Variants in GRM8 observed in about 807,000 individuals in gnomAD.
The protein encoded by GRM8 is glutamate metabotropic receptor 8.
A neutral mutation model predicts 87.2 loss-of-function variants in GRM8; 47 were observed. The observed-to-expected ratio is 0.54, with a 90% CI of 0.43 to 0.69. The LOEUF (loss-of-function observed/expected upper bound fraction) is 0.69. Ranked by LOEUF, GRM8 falls within the 30% of genes least tolerant of loss-of-function variation. The pLI is 0.00. For synonymous variants in GRM8, 396 were observed against 404.5 expected (o/e 0.98, Z 0.25); for missense variants, 1,019 against 1,139.2 (o/e 0.89, Z 1.52).
At chr7:126,613,562 G>A (rs1030952628) in intron 7 of GRM8, among the ~76,000 whole-genome samples, 1 of 152,188 alleles carries the variant, frequency 6.6e-6, no homozygotes, top group African/African-American at 2.4e-5. Context: ...CCGAGTGTGA[G>A]CCAAAGCAGG....
chr7:127,029,549 A>C (rs190660029), intron 3 of GRM8, among the ~76,000 whole-genome samples: 4 of 152,210 alleles, frequency 2.6e-5, no homozygotes, highest in African/African-American at 9.6e-5. Context: ...TAGGATAGTT[A>C]GCTCTTCTTG....
At chr7:126,767,056 A>G (rs1818273614) in intron 7 of GRM8, among the ~76,000 whole-genome samples, 1 of 152,164 alleles carries the variant, frequency 6.6e-6, no homozygotes, top group African/African-American at 2.4e-5. Flanking sequence ...AAGGAAGTGG[A>G]CCAGCCAGGG....
At chr7:126,500,832 G>T (rs1038951237) in intron 9 of GRM8, among the ~76,000 whole-genome samples, 2 of 151,812 alleles carry the variant, frequency 1.3e-5, no homozygotes, top group African/African-American at 4.8e-5. Context: ...AACCAAAAGG[G>T]GGTTTGACTT....
chr7:127,091,025 G>T (rs1824010515), intron 3 of GRM8: 1 of 152,226 alleles, frequency 6.6e-6, no homozygotes, highest in African/African-American at 2.4e-5. Context: ...TGAAGAAAAA[G>T]AAGGGAATAA....
intron 6 of GRM8, among the ~76,000 whole-genome samples, chr7:126,890,233 A>G (rs1226378116): frequency 6.6e-6 from 1 of 152,114 alleles, no homozygotes; most frequent in Admixed American, 6.6e-5. Context: ...CTGGCTTCAA[A>G]GAAAAGGAAG....
intron 7 of GRM8, among the ~76,000 whole-genome samples, chr7:126,619,190 A>T (rs139015399): frequency 8.5e-5 from 13 of 152,348 alleles, no homozygotes; most frequent in African/African-American, 2.9e-4. Flanking sequence ...AGTACTATGC[A>T]GTCATAAAAA....
At chr7:126,648,721 T>G (rs1405739359) in intron 7 of GRM8, among the ~76,000 whole-genome samples, 2 of 152,248 alleles carry the variant, frequency 1.3e-5, no homozygotes, top group Non-Finnish European at 2.9e-5. Context: ...AACTCCATTA[T>G]CTGAAACATA....
In GRM8 at chr7:126,656,989, A is replaced by G. The variant is rs375803047; in HGVS notation, c.1358-47491T>C. Among the ~76,000 whole-genome samples the G allele has an allele frequency of 1.4e-4, 21 of 152,390 alleles. 1 individual carries two copies. In the East Asian group the frequency reaches 3.7e-3, roughly 27 times the overall value. On this transcript the variant is annotated intron_variant, in intron 7 of 10. Transcript: ENST00000339582. ...TGAAAAGTGCTTATGTAGACAGCACAATGGCTGTGATTTAGTAATGTTCGT... is the reference window on the plus strand; with the variant it reads ...TGAAAAGTGCTTATGTAGACAGCACGATGGCTGTGATTTAGTAATGTTCGT...
intron 7 of GRM8, among the ~76,000 whole-genome samples, chr7:126,610,004 T>A (rs1798756485): frequency 6.6e-6 from 1 of 152,016 alleles, no homozygotes. Context: ...TGCCCAAGAG[T>A]ATATCAATGT....
chr7:126,486,868 A>T (rs928428032), intron 9 of GRM8, among the ~76,000 whole-genome samples: 3 of 152,074 alleles, frequency 2.0e-5, no homozygotes, highest in African/African-American at 7.2e-5. Flanking sequence ...ATGTGTCCCT[A>T]TGCAAAACTG....
At chr7:127,239,538 G>T (rs979013143) in intron 2 of GRM8, among the ~76,000 whole-genome samples, 1 of 152,164 alleles carries the variant, frequency 6.6e-6, no homozygotes, top group African/African-American at 2.4e-5. Context: ...TTTTACTCAA[G>T]TCATAACCTT....
At chr7:126,635,333 T>C (rs1159146309) in intron 7 of GRM8, among the ~76,000 whole-genome samples, 1 of 152,178 alleles carries the variant, frequency 6.6e-6, no homozygotes, top group Admixed American at 6.6e-5. Context: ...CTCATATTGG[T>C]GACTAATATC....
chr7:126,452,824 T>C (rs1482962808), intron 9 of GRM8, among the ~76,000 whole-genome samples: 1 of 151,706 alleles, frequency 6.6e-6, no homozygotes, highest in Non-Finnish European at 1.5e-5. Flanking sequence ...ACTGTATAAC[T>C]GAGGGTCAGG....
At chr7:127,054,532 A>G (rs1329705543) in intron 3 of GRM8, among the ~76,000 whole-genome samples, 1 of 152,190 alleles carries the variant, frequency 6.6e-6, no homozygotes, top group African/African-American at 2.4e-5. Context: ...CATCTGACAG[A>G]AAACAGAAAA....
chr7:127,148,022 T>C (rs144853286), intron 2 of GRM8, among the ~76,000 whole-genome samples: 1 of 152,014 alleles, frequency 6.6e-6, no homozygotes, highest in East Asian at 1.9e-4. Context: ...AGATACAGAG[T>C]CTCAGGTCCC....
chr7:126,784,198 T>G (rs2151648110), intron 6 of GRM8, among the ~76,000 whole-genome samples: 1 of 152,270 alleles, frequency 6.6e-6, no homozygotes, highest in South Asian at 2.1e-4. Context: ...AAACCCTGGT[T>G]TCACCTTGAG....
chr7:127,075,452 T>C (rs565302547), intron 3 of GRM8, among the ~76,000 whole-genome samples: 11 of 152,306 alleles, frequency 7.2e-5, no homozygotes, highest in African/African-American at 2.6e-4. Context: ...GATAAATGCA[T>C]TCATAAATTA....
intron 8 of GRM8, among the ~76,000 whole-genome samples, chr7:126,603,484 A>T (rs1798028997): frequency 6.6e-6 from 1 of 151,482 alleles, no homozygotes; most frequent in Non-Finnish European, 1.5e-5. Context: ...TATCTAGAAA[A>T]CCCCATTGTC....
chr7:126,500,717 G>A (rs1231963255), intron 9 of GRM8, among the ~76,000 whole-genome samples: 2 of 152,034 alleles, frequency 1.3e-5, no homozygotes, highest in African/African-American at 4.8e-5. Flanking sequence ...GAATAAGTGT[G>A]ACCAATTATT....
Sources: gnomAD v4.1 joint callset for allele counts (sites outside exome capture counted in the v4.1 genomes callset) on GRCh38, gnomAD v4.1.1 for gene constraint, MANE v1.5 for transcripts, NCBI Gene and HGNC (gene_info 2026-07-23, HGNC 2026-07-21) for gene names.